Variants in DPP6 observed in about 807,000 individuals in gnomAD.
The protein encoded by DPP6 is A-type potassium channel modulatory protein DPP6.
Under a neutral mutation model 122.6 loss-of-function variants are expected in DPP6, and 69 were observed. The observed-to-expected ratio is 0.56, with a 90% CI of 0.46 to 0.69. DPP6 has a LOEUF of 0.69. Among genes scored for constraint, DPP6 ranks in the 30% least tolerant of loss-of-function variants. The pLI is 0.00. For missense variants in DPP6, 928 were observed against 1,116.9 expected (o/e 0.83, Z 2.41); for synonymous variants, 418 against 433.1 (o/e 0.97, Z 0.43).
chr7:153,773,330 A>ATATATTT, the DPP6 span, among the ~76,000 whole-genome samples: 1 of 139,956 alleles, frequency 7.1e-6, no homozygotes, highest in African/African-American at 2.6e-5. Context: ...ATATATATAT[A>ATATATTT]TTTTTTTTTA....
Position 153,887,630 on chromosome 7 carries a change from ATGG to A in DPP6, c.-53_-51del. ...GTCTACTTTAATCCTCACCAGGACA[ATGG>A]ATTAAGTTTCTCTTCCCTGGACCAG... On this transcript the variant is annotated 5_prime_UTR_variant, in exon 1 of 26. Transcript: ENST00000404039. The A allele has an allele frequency of 1.9e-6, 3 of 1,603,396 alleles. No individual in the cohort carries two copies. The Admixed American group carries it at 5.0e-5, about 27-fold the overall frequency.
chr7:154,281,874 C>A lies in DPP6; in HGVS notation c.244-164340C>A, dbSNP rs142716553. Among the ~76,000 whole-genome samples the A allele has an allele frequency of 2.7e-4, 41 of 152,300 alleles. No homozygotes were observed. The East Asian group carries it at 7.3e-3, about 27-fold the overall frequency. On this transcript the variant is annotated intron_variant, in intron 1 of 25. Coordinates refer to ENST00000377770, the MANE Select transcript of DPP6 (RefSeq NM_130797.4). Reference sequence around the variant, plus strand: ...TGCATCTTGCTACCTGAGAAAGATACAAACCACCCTCATCTTGGCCTGAAA... The same window carrying A: ...TGCATCTTGCTACCTGAGAAAGATAAAAACCACCCTCATCTTGGCCTGAAA...
chr7:153,944,663 GGTTTTTTTTTTTT>G (rs1801859488), intron 1 of DPP6, among the ~76,000 whole-genome samples: 1 of 103,952 alleles, frequency 9.6e-6, no homozygotes, highest in Non-Finnish European at 2.0e-5. Flanking sequence ...TTTTTGTGTG[GGTTTTTTTTTTTT>G]TTTTTTTTTT....
chr7:154,327,070 A>G (rs903462557), intron 1 of DPP6, among the ~76,000 whole-genome samples: 1 of 151,968 alleles, frequency 6.6e-6, no homozygotes, highest in Non-Finnish European at 1.5e-5. Flanking sequence ...GTTCAGTCCT[A>G]ATGTTCTGCT....
chr7:153,841,332 A>C, the DPP6 span, among the ~76,000 whole-genome samples: 1 of 152,218 alleles, frequency 6.6e-6, no homozygotes, highest in African/African-American at 2.4e-5. Flanking sequence ...TCACAAGGAA[A>C]GTCTCACCTC....
intron 1 of DPP6, among the ~76,000 whole-genome samples, chr7:154,194,466 T>C (rs1798766744): frequency 6.6e-6 from 1 of 152,208 alleles, no homozygotes; most frequent in South Asian, 2.1e-4. Flanking sequence ...ATCCAGAAAC[T>C]CACCCCTCAA....
chr7:154,478,770 T>C (rs1822976413), intron 3 of DPP6, among the ~76,000 whole-genome samples: 1 of 152,180 alleles, frequency 6.6e-6, no homozygotes, highest in South Asian at 2.1e-4. Context: ...GCAACCTTAG[T>C]AGTTACATTG....
intron 1 of DPP6, among the ~76,000 whole-genome samples, chr7:154,232,888 G>A (rs1241124313): frequency 6.6e-6 from 1 of 152,226 alleles, no homozygotes; most frequent in Non-Finnish European, 1.5e-5. Flanking sequence ...GGAAATAGAT[G>A]GCATGGGAGT....
chr7:154,012,603 C>G (rs1375403673), intron 1 of DPP6, among the ~76,000 whole-genome samples: 2 of 151,928 alleles, frequency 1.3e-5, no homozygotes, highest in Non-Finnish European at 2.9e-5. Context: ...ATTAAGAATG[C>G]TATATAATTC....
intron 1 of DPP6, among the ~76,000 whole-genome samples, chr7:154,004,401 G>C (rs922648120): frequency 3.3e-5 from 5 of 152,046 alleles, no homozygotes; most frequent in African/African-American, 1.2e-4. Flanking sequence ...GATTAATTGA[G>C]ATAGACATTT....
intron 1 of DPP6, among the ~76,000 whole-genome samples, chr7:153,936,035 G>GC (rs879280142): frequency 0.015 from 2,352 of 152,276 alleles, 21 homozygotes; most frequent in Non-Finnish European, 0.024. Context: ...GTCACGTGAA[G>GC]CCCTTAGTCC....
intron 5 of DPP6, among the ~76,000 whole-genome samples, chr7:154,585,183 A>G (rs1832358727): frequency 6.6e-6 from 1 of 152,228 alleles, no homozygotes; most frequent in South Asian, 2.1e-4. Context: ...TATAAAGACT[A>G]GCTTCAAAGT....
chr7:153,836,058 A>G, the DPP6 span, among the ~76,000 whole-genome samples: 296 of 152,304 alleles, frequency 1.9e-3, 1 homozygote, highest in Admixed American at 4.6e-3. Context: ...GCTAAACATC[A>G]TTTAGTCTTC....
the DPP6 span, among the ~76,000 whole-genome samples, chr7:153,792,661 T>C: frequency 3.7e-3 from 366 of 100,104 alleles, no homozygotes; most frequent in Middle Eastern, 0.014. Flanking sequence ...AAAGTTGTTC[T>C]TTTTTTTTTT....
chr7:154,434,707 T>C (rs930145448), intron 1 of DPP6, among the ~76,000 whole-genome samples: 2 of 152,318 alleles, frequency 1.3e-5, no homozygotes, highest in East Asian at 3.9e-4. Context: ...AATTAATGAC[T>C]CTCTAGACAG....
At chr7:154,588,205 G>A (rs181738548) in intron 5 of DPP6, 79 of 1,464,118 alleles carry the variant, frequency 5.4e-5, no homozygotes, top group Middle Eastern at 2.5e-4. Flanking sequence ...CTGGGTGCCC[G>A]CAGAGTGTCC....
intron 5 of DPP6, among the ~76,000 whole-genome samples, chr7:154,574,701 G>A (rs1222552334): frequency 2.3e-5 from 3 of 130,992 alleles, no homozygotes; most frequent in South Asian, 5.5e-4. Flanking sequence ...TATGTGTGTG[G>A]TGTGTGTGTA....
chr7:154,160,544 T>C (rs1212432851), intron 1 of DPP6, among the ~76,000 whole-genome samples: 4 of 152,216 alleles, frequency 2.6e-5, no homozygotes, highest in Non-Finnish European at 4.4e-5. Flanking sequence ...TTGGGTTATC[T>C]GGAGGACACA....
chr7:154,125,289 C>G (rs924910825), intron 1 of DPP6, among the ~76,000 whole-genome samples: 1 of 152,212 alleles, frequency 6.6e-6, no homozygotes, highest in Non-Finnish European at 1.5e-5. Flanking sequence ...AAAACTCATT[C>G]TTCGAAGTCC....
Sources: gnomAD v4.1 joint callset for allele counts (sites outside exome capture counted in the v4.1 genomes callset) on GRCh38, gnomAD v4.1.1 for gene constraint, MANE v1.5 for transcripts, NCBI Gene and HGNC (gene_info 2026-07-23, HGNC 2026-07-21) for gene names.